Variants in LRP1B observed in about 807,000 individuals in gnomAD.
LRP1B encodes LDL receptor related protein 1B.
LRP1B carries 217 observed loss-of-function variants against 556.6 expected under a neutral mutation model. The observed-to-expected ratio is 0.39, with a 90% CI of 0.35 to 0.44. The LOEUF (loss-of-function observed/expected upper bound fraction) is 0.44. Ranked by LOEUF, LRP1B falls within the 20% of genes least tolerant of loss-of-function variation. The pLI is 1.00. For missense variants in LRP1B, 5,053 were observed against 5,620.8 expected, an observed-to-expected ratio of 0.90 and a Z score of 3.23; for synonymous variants, 2,047 against 1,865.8, an observed-to-expected ratio of 1.10 and a Z score of -2.50.
At position 140,349,794 on chromosome 2, in the gene LRP1B, T is replaced by C. The variant is rs185320153; in HGVS notation, c.11892+1003A>G. On this transcript the variant is annotated intron_variant, in intron 77 of 90. Coordinates refer to ENST00000389484, the MANE Select transcript of LRP1B (RefSeq NM_018557.3). ...GCTATTGTGTTTGAGGGAATAGGAA[T>C]TGAACAATTCTGGTATACATGGATT... Among the ~76,000 whole-genome samples the C allele has an allele frequency of 4.0e-3, 605 of 152,260 alleles. 1 individual carries two copies. The highest frequency in any genetic ancestry group is 8.3e-3 in the Admixed American group (127 of 15,284).
At chr2:140,555,936 T>A (rs1445127978) in intron 43 of LRP1B, among the ~76,000 whole-genome samples, 1 of 151,984 alleles carries the variant, frequency 6.6e-6, no homozygotes. Context: ...TCTAAGCAAG[T>A]CATACGATAT....
intron 7 of LRP1B, among the ~76,000 whole-genome samples, chr2:141,167,690 CTATT>C (rs1010882826): frequency 5.9e-5 from 9 of 151,700 alleles, no homozygotes; most frequent in Admixed American, 2.0e-4. Context: ...TTTTAAAAAT[CTATT>C]TATGTCAGGG....
chr2:141,303,785 T>C (rs1686482914), intron 3 of LRP1B, among the ~76,000 whole-genome samples: 1 of 151,904 alleles, frequency 6.6e-6, no homozygotes, highest in African/African-American at 2.4e-5. Context: ...TAACCAAGAG[T>C]GGATTGCTGA....
intron 1 of LRP1B, among the ~76,000 whole-genome samples, chr2:141,820,676 T>C (rs1410016632): frequency 1.3e-5 from 2 of 152,238 alleles, no homozygotes; most frequent in Non-Finnish European, 2.9e-5. Flanking sequence ...GACATATGTG[T>C]ATGTACACCC....
intron 1 of LRP1B, among the ~76,000 whole-genome samples, chr2:141,877,252 C>T (rs908884118): frequency 6.6e-6 from 1 of 151,804 alleles, no homozygotes; most frequent in African/African-American, 2.4e-5. Context: ...CATTTGTTTT[C>T]ATTACCTGGG....
intron 1 of LRP1B, among the ~76,000 whole-genome samples, chr2:141,830,687 G>GA (rs781675923): frequency 1.7e-4 from 25 of 150,988 alleles, no homozygotes; most frequent in East Asian, 9.7e-4. Flanking sequence ...TTTAAATAAG[G>GA]AAAAAAAATG....
chr2:140,942,710 A>C, intron 20 of LRP1B, among the ~76,000 whole-genome samples: 1 of 93,936 alleles, frequency 1.1e-5, no homozygotes, highest in East Asian at 3.6e-4. Context: ...AAGGAGAAAT[A>C]AATTTTTTTT....
chr2:141,763,513 A>T (rs1694631157), intron 2 of LRP1B, among the ~76,000 whole-genome samples: 1 of 152,166 alleles, frequency 6.6e-6, no homozygotes, highest in South Asian at 2.1e-4. Flanking sequence ...GAACACAAGT[A>T]TCTCTATCTC....
At chr2:141,446,408 C>T (rs1318649122) in intron 3 of LRP1B, among the ~76,000 whole-genome samples, 1 of 152,092 alleles carries the variant, frequency 6.6e-6, no homozygotes, top group Admixed American at 6.6e-5. Flanking sequence ...AGCCTGTTAA[C>T]ATTTAAGGTT....
chr2:141,803,531 A>G (rs141030514), intron 2 of LRP1B, among the ~76,000 whole-genome samples: 1 of 152,214 alleles, frequency 6.6e-6, no homozygotes, highest in East Asian at 1.9e-4. Context: ...AACTGTCCTC[A>G]TGGGTCTCAT....
chr2:140,371,394 T>C, intron 69 of LRP1B, 109 bp from the exon 70 acceptor site: 2 of 503,282 alleles, frequency 4.0e-6, no homozygotes, highest in South Asian at 3.9e-5. Context: ...ATAAAAATAG[T>C]TTATACTATA....
intron 2 of LRP1B, among the ~76,000 whole-genome samples, chr2:141,527,419 A>AG (rs1684726742): frequency 6.6e-6 from 1 of 152,074 alleles, no homozygotes. Context: ...TTTACAAAAA[A>AG]AAAAATCACC....
intron 1 of LRP1B, among the ~76,000 whole-genome samples, chr2:142,038,998 T>A (rs1040133662): frequency 1.1e-4 from 17 of 151,538 alleles, no homozygotes; most frequent in Non-Finnish European, 1.9e-4. Context: ...CATGTTTTCC[T>A]TGCTCAAGTT....
chr2:141,585,548 A>G (rs1457723965), intron 2 of LRP1B, among the ~76,000 whole-genome samples: 1 of 151,788 alleles, frequency 6.6e-6, no homozygotes, highest in Non-Finnish European at 1.5e-5. Flanking sequence ...CTGAAACATT[A>G]GGAGTTGAAG....
Position 140,325,786 on chromosome 2 carries a change from C to T in LRP1B, c.12316G>A (p.Val4106Ile), listed in dbSNP as rs1318442966. ...GSVLYDGSNS[V>I]VSVSSKQGLL... is the part of the protein sequence containing the mutation. ...CCTTGTTTGCTGCTGACAGAGACTA[C>T]TGAATTAGAGCCATCATACAGAACA... is the stretch of plus-strand genomic sequence containing the variant. Residue 4106 changes from valine to isoleucine, a missense_variant, in exon 80 of 91, where the codon GTA becomes ATA. This residue lies in a region of LRP1B where 551 missense variants were observed against 592.0 expected (regional missense o/e 0.93). Transcript: ENST00000389484. 7 of 1,611,838 alleles carry T rather than the reference C, an allele frequency of 4.3e-6. No homozygotes were observed. The highest frequency in any genetic ancestry group is 5.9e-6 in the Non-Finnish European group (7 of 1,178,778).
At chr2:140,738,908 T>A (rs1029714424) in intron 35 of LRP1B, among the ~76,000 whole-genome samples, 1 of 152,206 alleles carries the variant, frequency 6.6e-6, no homozygotes, top group Non-Finnish European at 1.5e-5. Flanking sequence ...TAATTGGATC[T>A]TTTGTAATAG....
In LRP1B at chr2:140,485,338, C is replaced by T. The variant is rs2105362420; in HGVS notation, c.9425+5G>A. On this transcript the variant is annotated splice_donor_5th_base_variant and intron_variant, in intron 59 of 90. Coordinates refer to ENST00000389484, the MANE Select transcript of LRP1B (RefSeq NM_018557.3). ...ACTTTAAGATTTTTAACAGTTTTTA[C>T]AAACCCAGCTTGAGGATCTAAAGAC... 6.2e-7 allele frequency: 1 copy of T among 1,603,908 alleles called. No individual in the cohort carries two copies. The highest frequency in any genetic ancestry group is 8.5e-7 in the Non-Finnish European group (1 of 1,176,150).
chr2:140,322,015 A>G lies in LRP1B; in HGVS notation c.12588T>C (p.Cys4196=), dbSNP rs779775851. 8 of 1,613,094 alleles carry G rather than the reference A, an allele frequency of 5.0e-6. No homozygotes were observed. Among genetic ancestry groups the G allele is most frequent in the Non-Finnish European group, 6.8e-6 (8 of 1,179,354 alleles). ...LLNPSGATCV[C]PEGKYLINGT... ...CATTAATCAAATATTTTCCTTCTGG[A>G]CACACACAAGTGGCCCCAGAAGGAT... Residue 4196 remains cysteine, a synonymous_variant, in exon 82 of 91, where the codon TGT becomes TGC. Transcript: ENST00000389484.
chr2:140,481,598 T>G (rs1231014431), intron 59 of LRP1B, among the ~76,000 whole-genome samples: 2 of 139,138 alleles, frequency 1.4e-5, no homozygotes, highest in African/African-American at 5.1e-5. Flanking sequence ...TTATTATTAT[T>G]ATTATTATTA....
Sources: gnomAD v4.1 joint callset for allele counts (sites outside exome capture counted in the v4.1 genomes callset) on GRCh38, gnomAD v4.1.1 for gene constraint, gnomAD v4.1.1 regional missense constraint, MANE v1.5 for transcripts, NCBI Gene and HGNC (gene_info 2026-07-23, HGNC 2026-07-21) for gene names.